TENM3: variants seen among roughly 807,000 people sequenced by gnomAD.
The protein encoded by TENM3 is teneurin transmembrane protein 3.
In TENM3, 63 loss-of-function variants were observed where a neutral mutation model predicts 255.1. That is an observed-to-expected ratio of 0.25 (90% confidence interval 0.20 to 0.30). The LOEUF (loss-of-function observed/expected upper bound fraction) is 0.30. Ranked by LOEUF, TENM3 falls within the 10% of genes least tolerant of loss-of-function variation. The probability of loss-of-function intolerance (pLI) is 1.00; values close to 1 mark genes in which losing one functional copy is unlikely to be tolerated. For missense variants in TENM3, 2,929 were observed against 3,461.1 expected, an observed-to-expected ratio of 0.85 and a Z score of 3.86; for synonymous variants, 1,306 against 1,322.3, an observed-to-expected ratio of 0.99 and a Z score of 0.27.
Position 182,654,031 on chromosome 4 carries a change from T to A in TENM3, c.1111+138T>A, listed in dbSNP as rs956327390. On this transcript the variant is annotated intron_variant, in intron 6 of 27. Coordinates refer to ENST00000511685, the MANE Select transcript of TENM3 (RefSeq NM_001080477.4). Reference sequence around the variant, plus strand: ...ATTACAGATATCATCTTTTTATAAGTTTTTTTCAATTAATTTACTTGAAAG... The same window carrying A: ...ATTACAGATATCATCTTTTTATAAGATTTTTTCAATTAATTTACTTGAAAG... 6 of 772,720 alleles carry A rather than the reference T, an allele frequency of 7.8e-6. No homozygotes were observed. The African/African-American group carries it at 9.1e-5, about 12-fold the overall frequency. 47.9% of individuals were successfully genotyped at this position (772,720 alleles called of 1,614,324 possible). A position where few individuals can be genotyped will look rare whatever the true frequency, so the allele number is the denominator to read the frequency against.
chr4:181,935,098 A>C, the TENM3 span, among the ~76,000 whole-genome samples: 3 of 152,330 alleles, frequency 2.0e-5, no homozygotes, highest in African/African-American at 7.2e-5. Context: ...TTTTATTGAC[A>C]TTTAATTTTC....
chr4:182,695,796 G>T (rs559151844), intron 12 of TENM3, among the ~76,000 whole-genome samples: 2 of 152,286 alleles, frequency 1.3e-5, no homozygotes, highest in East Asian at 3.9e-4. Context: ...TAAAACAGAA[G>T]TTTTCTCCCA....
At chr4:182,276,748 C>T (rs952299481) in intron 1 of TENM3, among the ~76,000 whole-genome samples, 2 of 152,040 alleles carry the variant, frequency 1.3e-5, no homozygotes, top group Non-Finnish European at 2.9e-5. Context: ...TATTGTTTAC[C>T]TTCTGCTTAT....
chr4:181,511,768 G>A, the TENM3 span, among the ~76,000 whole-genome samples: 1 of 152,144 alleles, frequency 6.6e-6, no homozygotes, highest in African/African-American at 2.4e-5. Context: ...GGGTAGTCGG[G>A]AGCTCTATAG....
At chr4:182,067,665 A>G in the TENM3 span, among the ~76,000 whole-genome samples, 3 of 152,154 alleles carry the variant, frequency 2.0e-5, no homozygotes, top group African/African-American at 7.2e-5. Context: ...GCCTCCTGAG[A>G]TGGAGCTGAC....
the TENM3 span, among the ~76,000 whole-genome samples, chr4:181,879,521 C>T: frequency 6.6e-6 from 1 of 152,170 alleles, no homozygotes; most frequent in Non-Finnish European, 1.5e-5. Flanking sequence ...ACTTAGAGAA[C>T]AAGGTGCCCG....
chr4:182,312,734 A>G (rs564218700), intron 1 of TENM3, among the ~76,000 whole-genome samples: 9 of 152,346 alleles, frequency 5.9e-5, no homozygotes, highest in African/African-American at 2.2e-4. Context: ...ATGTGTAAAT[A>G]GGTATGATGG....
the TENM3 span, chr4:181,905,965 T>C: frequency 1.8e-6 from 1 of 551,386 alleles, no homozygotes; most frequent in Non-Finnish European, 3.4e-6. Flanking sequence ...TCTTCAGATC[T>C]GGGTGGTACA....
chr4:182,156,673 T>C (rs1004841591), intron 1 of TENM3, among the ~76,000 whole-genome samples: 16 of 152,224 alleles, frequency 1.1e-4, no homozygotes, highest in African/African-American at 3.6e-4. Flanking sequence ...TTTAATTTGA[T>C]GTAGCAAATT....
At chr4:181,856,423 C>T in the TENM3 span, among the ~76,000 whole-genome samples, 1 of 152,178 alleles carries the variant, frequency 6.6e-6, no homozygotes, top group African/African-American at 2.4e-5. Context: ...CCCCCTTCTT[C>T]CCAGTCAACC....
chr4:182,278,607 C>G (rs1374091952), intron 1 of TENM3, among the ~76,000 whole-genome samples: 1 of 151,376 alleles, frequency 6.6e-6, no homozygotes, highest in Admixed American at 6.6e-5. Context: ...ATATCCTGGG[C>G]CTACCTCACC....
At chr4:182,372,902 T>C (rs1766936646) in intron 3 of TENM3, among the ~76,000 whole-genome samples, 1 of 151,988 alleles carries the variant, frequency 6.6e-6, no homozygotes, top group Admixed American at 6.6e-5. Flanking sequence ...TTATTTTATT[T>C]ATTTATTTAT....
At chr4:182,590,184 G>A (rs768494542) in intron 3 of TENM3, among the ~76,000 whole-genome samples, 1 of 152,054 alleles carries the variant, frequency 6.6e-6, no homozygotes, top group Non-Finnish European at 1.5e-5. Flanking sequence ...AAAACAAGTT[G>A]TTTAAGACAA....
the TENM3 span, among the ~76,000 whole-genome samples, chr4:181,946,310 A>C: frequency 6.6e-6 from 1 of 152,198 alleles, no homozygotes; most frequent in African/African-American, 2.4e-5. Context: ...CAGTACCCAC[A>C]TAAAAATACA....
intron 4 of TENM3, among the ~76,000 whole-genome samples, chr4:182,612,602 A>G (rs911533907): frequency 2.0e-5 from 3 of 152,220 alleles, no homozygotes; most frequent in African/African-American, 4.8e-5. Flanking sequence ...TGTTTTGCAT[A>G]TGAGTTAAAA....
At chr4:181,717,308 T>C in the TENM3 span, among the ~76,000 whole-genome samples, 1 of 152,308 alleles carries the variant, frequency 6.6e-6, no homozygotes, top group South Asian at 2.1e-4. Context: ...AACTTTTTCA[T>C]GTCAGAGAGA....
chr4:182,245,957 C>A (rs973118272), intron 1 of TENM3, among the ~76,000 whole-genome samples: 1 of 151,908 alleles, frequency 6.6e-6, no homozygotes, highest in Middle Eastern at 3.2e-3. Context: ...TATTGGCGGG[C>A]GCTCCTGCTG....
chr4:181,712,828 A>T, the TENM3 span, among the ~76,000 whole-genome samples: 1 of 152,316 alleles, frequency 6.6e-6, no homozygotes, highest in Admixed American at 6.5e-5. Flanking sequence ...AGTAAGAATG[A>T]TTTATCAAGT....
the TENM3 span, among the ~76,000 whole-genome samples, chr4:182,133,341 C>T: frequency 6.6e-6 from 1 of 152,192 alleles, no homozygotes; most frequent in African/African-American, 2.4e-5. Flanking sequence ...GCATGGGATG[C>T]TGACCTGTCA....
Sources: allele counts gnomAD v4.1 joint callset (sites outside exome capture counted in the v4.1 genomes callset), GRCh38; gene constraint gnomAD v4.1.1; transcripts MANE v1.5; gene names NCBI Gene and HGNC (gene_info 2026-07-23, HGNC 2026-07-21).